The following CERS6 variants were observed in gnomAD, a reference collection of about 807,000 sequenced individuals.
CERS6 encodes LAG1 homolog, ceramide synthase 6.
In CERS6, 26 loss-of-function variants were observed where a neutral mutation model predicts 56.8. That is an observed-to-expected ratio of 0.46 (90% confidence interval 0.34 to 0.63). The LOEUF (loss-of-function observed/expected upper bound fraction) is 0.63. Ranked by LOEUF, CERS6 falls within the 30% of genes least tolerant of loss-of-function variation. CERS6 has a pLI of 0.01. For missense variants in CERS6, 415 were observed against 467.5 expected (o/e 0.89, Z 1.04); for synonymous variants, 164 against 173.3 (o/e 0.95, Z 0.42).
chr2:168,565,625 G>A (rs751946920), intron 3 of CERS6, among the ~76,000 whole-genome samples: 6 of 152,192 alleles, frequency 3.9e-5, no homozygotes, highest in Non-Finnish European at 8.8e-5. Flanking sequence ...AAGCCAAACT[G>A]TGCTTGTAAG....
intron 1 of CERS6, among the ~76,000 whole-genome samples, chr2:168,536,202 C>T (rs1414798100): frequency 6.6e-6 from 1 of 152,140 alleles, no homozygotes; most frequent in African/African-American, 2.4e-5. Flanking sequence ...TCTTCAGATT[C>T]ACTTTTGCTT....
At chr2:168,745,796 G>A (rs1300661029) in intron 8 of CERS6, among the ~76,000 whole-genome samples, 4 of 152,140 alleles carry the variant, frequency 2.6e-5, no homozygotes, top group Admixed American at 6.5e-5. Context: ...AGAATGTGGC[G>A]CTTCAGGGAG....
chr2:168,498,065 C>A (rs1319392118), intron 1 of CERS6, among the ~76,000 whole-genome samples: 1 of 152,138 alleles, frequency 6.6e-6, no homozygotes, highest in Non-Finnish European at 1.5e-5. Flanking sequence ...CTATTTCTTA[C>A]CTGGCAGAAG....
At chr2:168,459,136 A>T (rs1433317441) in intron 1 of CERS6, among the ~76,000 whole-genome samples, 2 of 152,234 alleles carry the variant, frequency 1.3e-5, no homozygotes, top group Admixed American at 6.5e-5. Context: ...TTCTCTCAAG[A>T]TTCTTCTCTT....
At chr2:168,639,585 TG>T (rs1684939786) in intron 4 of CERS6, among the ~76,000 whole-genome samples, 1 of 152,148 alleles carries the variant, frequency 6.6e-6, no homozygotes, top group Non-Finnish European at 1.5e-5. Flanking sequence ...AACAGCTTTC[TG>T]GGGGAAGTAA....
intron 4 of CERS6, among the ~76,000 whole-genome samples, chr2:168,651,477 A>T (rs1394696222): frequency 6.6e-6 from 1 of 152,222 alleles, no homozygotes; most frequent in Non-Finnish European, 1.5e-5. Flanking sequence ...GCTGTAAAGA[A>T]CTACCTGAGA....
intron 8 of CERS6, among the ~76,000 whole-genome samples, chr2:168,760,828 T>G (rs1175920942): frequency 6.6e-6 from 1 of 152,112 alleles, no homozygotes; most frequent in Non-Finnish European, 1.5e-5. Flanking sequence ...CGATCTCGGC[T>G]CACTGCAAGC....
At chr2:168,737,073 C>T (rs979667146) in intron 8 of CERS6, among the ~76,000 whole-genome samples, 5 of 152,224 alleles carry the variant, frequency 3.3e-5, no homozygotes, top group African/African-American at 1.2e-4. Flanking sequence ...AGAGCTATTG[C>T]TTCCTGCTTC....
chr2:168,471,144 C>G (rs567697967), intron 1 of CERS6, among the ~76,000 whole-genome samples: 28 of 152,298 alleles, frequency 1.8e-4, no homozygotes, highest in Non-Finnish European at 3.7e-4. Context: ...CTGCTGAATC[C>G]TATTTGCCTA....
At chr2:168,495,327 G>T (rs1272522145) in intron 1 of CERS6, among the ~76,000 whole-genome samples, 1 of 152,168 alleles carries the variant, frequency 6.6e-6, no homozygotes, top group Non-Finnish European at 1.5e-5. Context: ...CAAAAGTAAA[G>T]TGTTTTATTT....
At chr2:168,508,126 A>G (rs1246957341) in intron 1 of CERS6, among the ~76,000 whole-genome samples, 1 of 152,194 alleles carries the variant, frequency 6.6e-6, no homozygotes, top group Non-Finnish European at 1.5e-5. Context: ...GTGGAAAAGG[A>G]TGATGCTGTA....
At chr2:168,462,700 C>A (rs1189265378) in intron 1 of CERS6, among the ~76,000 whole-genome samples, 2 of 152,144 alleles carry the variant, frequency 1.3e-5, no homozygotes, top group Non-Finnish European at 2.9e-5. Flanking sequence ...CCATGCCTGG[C>A]TAATTTTTAA....
At chr2:168,492,333 C>G (rs1574019587) in intron 1 of CERS6, among the ~76,000 whole-genome samples, 1 of 152,168 alleles carries the variant, frequency 6.6e-6, no homozygotes, top group Non-Finnish European at 1.5e-5. Flanking sequence ...GAGATGGTAT[C>G]TCATTGTGGT....
Position 168,769,687 on chromosome 2 carries a change from C to A in CERS6, c.*25C>A. The A allele has an allele frequency of 3.7e-6, 6 of 1,604,654 alleles. No individual in the cohort carries two copies. The highest frequency in any genetic ancestry group is 5.1e-6 in the Non-Finnish European group (6 of 1,176,208). On this transcript the variant is annotated 3_prime_UTR_variant, in exon 10 of 10. Transcript: ENST00000305747. ...ATTACTCAAAACTACAAGTCCCAAG[C>A]AAAGTGAACTATTTGTTCCTGGAAG... is the stretch of plus-strand genomic sequence containing the variant.
At chr2:168,605,677 C>T (rs1435926537) in intron 3 of CERS6, among the ~76,000 whole-genome samples, 1 of 152,176 alleles carries the variant, frequency 6.6e-6, no homozygotes, top group East Asian at 1.9e-4. Flanking sequence ...TGGGACACTG[C>T]TCCCTACATC....
At chr2:168,668,874 GA>G (rs1464944609) in intron 4 of CERS6, among the ~76,000 whole-genome samples, 1 of 152,158 alleles carries the variant, frequency 6.6e-6, no homozygotes, top group African/African-American at 2.4e-5. Flanking sequence ...AATGTTATTA[GA>G]TTTTTTTTAT....
At chr2:168,504,515 G>A (rs549765380) in intron 1 of CERS6, among the ~76,000 whole-genome samples, 30 of 152,314 alleles carry the variant, frequency 2.0e-4, no homozygotes, top group African/African-American at 7.2e-4. Context: ...CAGGTGAACT[G>A]TTTGCCTTTC....
At chr2:168,574,754 C>A (rs1324620502) in intron 3 of CERS6, among the ~76,000 whole-genome samples, 1 of 152,144 alleles carries the variant, frequency 6.6e-6, no homozygotes, top group South Asian at 2.1e-4. Context: ...CAAATAATAC[C>A]ATTCTAAGCT....
At chr2:168,637,879 T>C (rs1371341004) in intron 4 of CERS6, among the ~76,000 whole-genome samples, 2 of 152,172 alleles carry the variant, frequency 1.3e-5, no homozygotes, top group Non-Finnish European at 2.9e-5. Flanking sequence ...ATATCTTTAA[T>C]ACTTTATTTT....
Sources: gnomAD v4.1 joint callset for allele counts (sites outside exome capture counted in the v4.1 genomes callset) on GRCh38, gnomAD v4.1.1 for gene constraint, MANE v1.5 for transcripts, NCBI Gene and HGNC (gene_info 2026-07-23, HGNC 2026-07-21) for gene names.